Variants in ZC3H14 observed in about 807,000 individuals in gnomAD.
ZC3H14 encodes the protein zinc finger CCCH domain-containing protein 14.
A neutral mutation model predicts 92.4 loss-of-function variants in ZC3H14; 31 were observed. The ratio of observed to expected loss-of-function variants is 0.34; its 90% confidence interval spans 0.25 to 0.45. The LOEUF is 0.45. ZC3H14 is among the 20% of genes least tolerant of loss of function. ZC3H14 has a pLI of 1.00. For synonymous variants in ZC3H14, 321 were observed against 300.9 expected, an observed-to-expected ratio of 1.07 and a Z score of -0.69; for missense variants, 781 against 897.3, an observed-to-expected ratio of 0.87 and a Z score of 1.66.
chr14:88,598,215 G>T (rs1278904146), intron 10 of ZC3H14, among the ~76,000 whole-genome samples: 1 of 151,964 alleles, frequency 6.6e-6, no homozygotes, highest in East Asian at 1.9e-4. Context: ...CATGAGTTGG[G>T]GCATGGGGCA....
intron 16 of ZC3H14, among the ~76,000 whole-genome samples, chr14:88,611,256 A>T (rs2086682157): frequency 1.3e-5 from 1 of 77,784 alleles, no homozygotes; most frequent in Admixed American, 1.3e-4. Flanking sequence ...CTGAGACTAC[A>T]AGCGTGTGCC....
chr14:88,585,577 A>G (rs1439572789), intron 9 of ZC3H14, among the ~76,000 whole-genome samples: 1 of 151,994 alleles, frequency 6.6e-6, no homozygotes, highest in African/African-American at 2.4e-5. Flanking sequence ...AGGTTTCACC[A>G]TATTGGCCAG....
rs2140213936 is a variant in ZC3H14 at position 88,615,489 on chromosome 14, C to T, written c.*3738C>T. 3.9e-6 allele frequency: 1 copy of T among 256,302 alleles called. No individual in the cohort carries two copies. The highest frequency in any genetic ancestry group is 7.4e-6 in the Non-Finnish European group (1 of 135,914). The allele number at this position is 256,302 out of a possible 1,614,324, so 15.9% of individuals were successfully genotyped here. On this transcript the variant is annotated 3_prime_UTR_variant, in exon 17 of 17. Transcript: ENST00000251038. ...ATTATCCAAATTGGGTTTTTGAGTT[C>T]TTCTGTAAAGAGTGCTCTACCCTAA... is the stretch of plus-strand genomic sequence containing the variant.
chr14:88,571,087 T>C lies in ZC3H14; in HGVS notation c.198T>C (p.Leu66=), dbSNP rs1269121097. Residue 66 remains leucine (L), a synonymous_variant, in exon 4 of 17, where the codon CTT becomes CTC. Transcript: ENST00000251038. ...GNNTIRFTVW[L]HGVLDKLRSV... is the part of the protein sequence containing the mutation. ...TGTTTTTTGTTTTTTTCCTCAGGCT[T>C]CATGGTGTATTAGATAAACTTCGCT... is the stretch of plus-strand genomic sequence containing the variant. The C allele has an allele frequency of 6.4e-7, 1 of 1,562,864 alleles. No homozygotes were observed. The highest frequency in any genetic ancestry group is 1.8e-5 in the Admixed American group (1 of 56,028).
chr14:88,579,734 A>G (rs370793574), intron 9 of ZC3H14, among the ~76,000 whole-genome samples: 3 of 152,344 alleles, frequency 2.0e-5, no homozygotes, highest in East Asian at 1.9e-4. Context: ...CCTAAAATGA[A>G]CAACAGAAAA....
chr14:88,594,814 T>A, intron 9 of ZC3H14: 2 of 1,614,098 alleles, frequency 1.2e-6, no homozygotes, highest in Non-Finnish European at 1.7e-6. Flanking sequence ...AACAAGCTCC[T>A]CTTGTTCACT....
Position 88,618,364 on chromosome 14 carries a change from C to A in ZC3H14, c.*6613C>A. ...ATCAGATTAAAATGGGACAAGAATT[C>A]CATTAGGTGAGAGACAAAATCCACA... On this transcript the variant is annotated 3_prime_UTR_variant, in exon 17 of 17. Coordinates refer to ENST00000251038, the MANE Select transcript of ZC3H14 (RefSeq NM_024824.5). 6.3e-7 allele frequency: 1 copy of A among 1,586,422 alleles called. No individual in the cohort carries two copies. The highest frequency in any genetic ancestry group is 1.7e-5 in the Admixed American group (1 of 59,738).
In ZC3H14 at chr14:88,609,932, T is replaced by C. The variant is rs2086274097; in HGVS notation, c.2097+129T>C. On this transcript the variant is annotated intron_variant, in intron 15 of 16. Coordinates refer to ENST00000251038, the MANE Select transcript of ZC3H14 (RefSeq NM_024824.5). Reference sequence around the variant, plus strand: ...GATTTTTGCCAGTAAAACTATTAAGTTGTTCCTCGTCACTGAACCTCCATC... The same window carrying C: ...GATTTTTGCCAGTAAAACTATTAAGCTGTTCCTCGTCACTGAACCTCCATC... 7.0e-6 allele frequency: 7 copies of C among 994,302 alleles called. No homozygotes were observed. In the South Asian group the frequency reaches 9.8e-5, roughly 14 times the overall value. The allele number at this position is 994,302 out of a possible 1,614,324, so 61.6% of individuals were successfully genotyped here.
At chr14:88,567,877 A>G (rs1273127289) in intron 2 of ZC3H14, 162 bp from the exon 3 acceptor site, 4 of 678,798 alleles carry the variant, frequency 5.9e-6, no homozygotes, top group Non-Finnish European at 1.1e-5. Context: ...TACCTGTGGA[A>G]TGAAGAGAAA....
intron 9 of ZC3H14, chr14:88,594,683 G>A: frequency 2.5e-6 from 4 of 1,612,990 alleles, no homozygotes; most frequent in Non-Finnish European, 3.4e-6. Context: ...AGATTTTAAG[G>A]GAGAGAATTT....
Position 88,618,143 on chromosome 14 carries a change from T to C in ZC3H14, c.*6392T>C. On this transcript the variant is annotated 3_prime_UTR_variant, in exon 17 of 17. Transcript: ENST00000251038. Reference sequence around the variant, plus strand: ...TTGAAACTCAATTACTATTCCTTATTGGAATGGCTCTAACAGTTCAGAAAT... The same window carrying C: ...TTGAAACTCAATTACTATTCCTTATCGGAATGGCTCTAACAGTTCAGAAAT... 9.1e-7 allele frequency: 1 copy of C among 1,101,906 alleles called. No homozygotes were observed. The highest frequency in any genetic ancestry group is 1.5e-5 in the African/African-American group (1 of 65,082). 68.3% of individuals were successfully genotyped at this position (1,101,906 alleles called of 1,614,324 possible).
chr14:88,620,890 G>A lies in ZC3H14; in HGVS notation c.*9139G>A, dbSNP rs779228207. ...CCTTCAGGGCTGTAACACACAGTAC[G>A]AGCAGCATGTCCCAAATTCACTTTG... On this transcript the variant is annotated 3_prime_UTR_variant, in exon 17 of 17. Transcript: ENST00000251038. This position sits in a 1 kb window ranked among gnomAD's most constrained non-coding sequence, Gnocchi z 4.3. 28 of 1,534,116 alleles carry A rather than the reference G, an allele frequency of 1.8e-5. No individual in the cohort carries two copies. The highest frequency in any genetic ancestry group is 7.6e-5 in the South Asian group (6 of 79,156).
chr14:88,585,467 C>G (rs912003178), intron 9 of ZC3H14, among the ~76,000 whole-genome samples: 1 of 151,738 alleles, frequency 6.6e-6, no homozygotes, highest in Non-Finnish European at 1.5e-5. Flanking sequence ...ACCTCCGACT[C>G]CTTGGTTCAA....
intron 9 of ZC3H14, among the ~76,000 whole-genome samples, chr14:88,593,157 G>A (rs936758036): frequency 2.6e-5 from 4 of 151,794 alleles, no homozygotes; most frequent in Non-Finnish European, 5.9e-5. Context: ...TAGCAGAGAC[G>A]GGATTTCGCC....
At chr14:88,601,599 A>G (rs1025738476) in intron 10 of ZC3H14, among the ~76,000 whole-genome samples, 2 of 152,190 alleles carry the variant, frequency 1.3e-5, no homozygotes, top group African/African-American at 4.8e-5. Context: ...CAAATTCTCC[A>G]GGTTTTTAGA....
Position 88,621,017 on chromosome 14 carries a change from A to G in ZC3H14, c.*9266A>G. On this transcript the variant is annotated 3_prime_UTR_variant, in exon 17 of 17. Transcript: ENST00000251038. ...CCAGTTTCCCCTCAAAATGCTCAAC[A>G]GAATTCTGGCAGTTCTTTAAGTACT... 1 of 1,481,160 alleles carries G rather than the reference A, an allele frequency of 6.8e-7. No individual in the cohort carries two copies. The highest frequency in any genetic ancestry group is 1.4e-5 in the African/African-American group (1 of 70,424). 91.8% of individuals were successfully genotyped at this position (1,481,160 alleles called of 1,614,324 possible). A position where few individuals can be genotyped will look rare whatever the true frequency, so the allele number is the denominator to read the frequency against.
intron 11 of ZC3H14, 109 bp downstream of exon 11, chr14:88,602,192 C>A: frequency 1.4e-6 from 2 of 1,464,308 alleles, no homozygotes; most frequent in Non-Finnish European, 1.9e-6. Context: ...GCGTAGAGTG[C>A]TTTCATTGAT....
rs2090090171 is a variant in ZC3H14 at position 88,627,506 on chromosome 14, C to T, written c.*15755C>T. The T allele has an allele frequency of 1.3e-6, 1 of 742,590 alleles. No homozygotes were observed. The highest frequency in any genetic ancestry group is 2.1e-6 in the Non-Finnish European group (1 of 483,550). The allele number at this position is 742,590 out of a possible 1,614,324, so 46.0% of individuals were successfully genotyped here. On this transcript the variant is annotated 3_prime_UTR_variant, in exon 17 of 17. Transcript: ENST00000251038. ...TTTAAAGTGAAATATACCTACAGTACCACTGTGTACAGTATATTGCATAGG... is the reference window on the plus strand; with the variant it reads ...TTTAAAGTGAAATATACCTACAGTATCACTGTGTACAGTATATTGCATAGG...
chr14:88,611,693 T>C (rs2086819179), intron 16 of ZC3H14, 52 bp from the exon 17 acceptor site: 2 of 1,611,466 alleles, frequency 1.2e-6, no homozygotes, highest in African/African-American at 1.3e-5. Context: ...ATATATGGTA[T>C]ATATGGATAC....
Sources: gnomAD v4.1 joint callset for allele counts (sites outside exome capture counted in the v4.1 genomes callset) on GRCh38, gnomAD v4.1.1 for gene constraint, Gnocchi (gnomAD v3.1) non-coding constraint, MANE v1.5 for transcripts, NCBI Gene and HGNC (gene_info 2026-07-23, HGNC 2026-07-21) for gene names.